STARD13: variants seen among roughly 807,000 people sequenced by gnomAD.
STARD13 encodes StAR related lipid transfer domain containing 13.
Under a neutral mutation model 106.4 loss-of-function variants are expected in STARD13, and 62 were observed. That is an observed-to-expected ratio of 0.58 (90% CI 0.48 to 0.72). The LOEUF (loss-of-function observed/expected upper bound fraction) is 0.72, where lower values mean the gene tolerates loss of function less well. STARD13 is among the 30% of genes least tolerant of loss of function. The pLI, the probability that STARD13 is intolerant of heterozygous loss-of-function variation, is 0.00. For synonymous variants in STARD13, 565 were observed against 553.0 expected, an observed-to-expected ratio of 1.02 and a Z score of -0.31; for missense variants, 1,387 against 1,424.0, an observed-to-expected ratio of 0.97 and a Z score of 0.42.
the STARD13 span, among the ~76,000 whole-genome samples, chr13:33,622,511 C>T: frequency 1.4e-5 from 2 of 147,572 alleles, no homozygotes; most frequent in African/African-American, 5.0e-5. Flanking sequence ...TACTAGCAGG[C>T]GCCTGTAGTC....
chr13:33,454,526 G>A, the STARD13 span, among the ~76,000 whole-genome samples: 171 of 152,238 alleles, frequency 1.1e-3, no homozygotes, highest in African/African-American at 3.9e-3. Flanking sequence ...GAAAAATTGA[G>A]GCAAAAAAAG....
At chr13:33,240,156 T>A (rs147929250) in intron 1 of STARD13, among the ~76,000 whole-genome samples, 28 of 152,330 alleles carry the variant, frequency 1.8e-4, no homozygotes, top group African/African-American at 6.7e-4. Context: ...TTTCTCATTA[T>A]GTAGTCTTGA....
At chr13:33,304,937 T>C (rs1168076599) in intron 1 of STARD13, among the ~76,000 whole-genome samples, 1 of 152,236 alleles carries the variant, frequency 6.6e-6, no homozygotes, top group East Asian at 1.9e-4. Flanking sequence ...ATAATGTTAG[T>C]ACCTGCTTCA....
chr13:33,249,825 T>C (rs1890005863), intron 1 of STARD13, among the ~76,000 whole-genome samples: 1 of 152,190 alleles, frequency 6.6e-6, no homozygotes, highest in South Asian at 2.1e-4. Flanking sequence ...GGTCTTACTG[T>C]GTCACCCAGG....
At chr13:33,518,289 A>T in the STARD13 span, among the ~76,000 whole-genome samples, 1 of 152,152 alleles carries the variant, frequency 6.6e-6, no homozygotes, top group Non-Finnish European at 1.5e-5. Context: ...ATACTTCAAG[A>T]GTGTTAAAGT....
the STARD13 span, among the ~76,000 whole-genome samples, chr13:33,454,674 A>G: frequency 2.0e-5 from 3 of 152,180 alleles, no homozygotes; most frequent in Non-Finnish European, 4.4e-5. Flanking sequence ...TTGGCTCTAG[A>G]GCTTATCCTA....
chr13:33,671,680 T>C, the STARD13 span, among the ~76,000 whole-genome samples: 3 of 152,160 alleles, frequency 2.0e-5, no homozygotes, highest in Non-Finnish European at 4.4e-5. Flanking sequence ...TAGTGGGCTA[T>C]GACTGGGCCA....
chr13:33,627,505 C>T, the STARD13 span, among the ~76,000 whole-genome samples: 5 of 151,924 alleles, frequency 3.3e-5, no homozygotes, highest in Non-Finnish European at 7.4e-5. Context: ...AGTGCGGTGG[C>T]GGGCACCTGT....
At chr13:33,253,113 C>T (rs1214403958) in intron 1 of STARD13, among the ~76,000 whole-genome samples, 1 of 152,182 alleles carries the variant, frequency 6.6e-6, no homozygotes, top group East Asian at 1.9e-4. Context: ...TAACTTTATG[C>T]CTCCAGAACA....
Position 33,129,704 on chromosome 13 carries a change from A to T in STARD13, c.973T>A (p.Cys325Ser). Residue 325 changes from cysteine (C) to serine (S), a missense_variant, in exon 5 of 14, where the codon TGC becomes AGC. By Grantham distance (112) the Cys-to-Ser change is moderately radical. Transcript: ENST00000336934. Reference protein sequence around the residue: ...PPPACRKGLPCSGKSSGESSP... With the variant: ...PPPACRKGLPSSGKSSGESSP... ...CTCTCGCCACTCGACTTGCCAGAGC[A>T]TGGGAGCCCTTTTCTGCAGGCAGGT... The T allele has an allele frequency of 1.2e-6, 2 of 1,614,114 alleles. No homozygotes were observed. Among genetic ancestry groups the T allele is most frequent in the Non-Finnish European group, 1.7e-6 (2 of 1,180,030 alleles).
At position 33,130,073 on chromosome 13, in the gene STARD13, T is replaced by C; in HGVS notation, c.604A>G (p.Ser202Gly). The stretch of plus-strand genomic sequence containing the variant: ...CTGCGACTGTCGCTGCCTCCACTGC[T>C]TTCGCTGTGAATGGAGCAGACCTCA... ...EPEVCSIHSESSGGSDSRSQP... is the reference protein window; with the variant it reads ...EPEVCSIHSEGSGGSDSRSQP... The change falls in exon 5 of 14, where the codon AGC becomes GGC. Residue 202 changes from serine (S) to glycine (G), a missense_variant. Coordinates refer to ENST00000336934, the MANE Select transcript of STARD13 (RefSeq NM_178006.4). The surrounding 1 kb of genome is among the most constrained non-coding windows in gnomAD (Gnocchi z 4.1). 2 of 1,614,024 alleles carry C rather than the reference T, an allele frequency of 1.2e-6. No homozygotes were observed. Among genetic ancestry groups the C allele is most frequent in the Non-Finnish European group, 8.5e-7 (1 of 1,179,990 alleles).
chr13:33,352,526 A>C (rs185950966), upstream of STARD13, among the ~76,000 whole-genome samples: 19 of 152,318 alleles, frequency 1.2e-4, no homozygotes, highest in Non-Finnish European at 1.8e-4. Flanking sequence ...GATGCCATTG[A>C]TTAGGAGTTT....
rs549387898 is a variant in STARD13 at position 33,332,588 on chromosome 13, G to A, written c.124+17702C>T. Among the ~76,000 whole-genome samples, 11 of 152,134 alleles carry A rather than the reference G, an allele frequency of 7.2e-5. No homozygotes were observed. In the East Asian group the frequency reaches 1.9e-3, roughly 27 times the overall value. On this transcript the variant is annotated intron_variant, in intron 1 of 5. Transcript: ENST00000567873. ...CCAACCATGCTGGCACCCTGATCTC[G>A]GACTTCCAGCCTCCAGAACTCTGAG...
chr13:33,346,657 TC>T (rs1366815633), downstream of STARD13, among the ~76,000 whole-genome samples: 4 of 152,078 alleles, frequency 2.6e-5, no homozygotes, highest in South Asian at 6.2e-4. Flanking sequence ...TGAGATGGAG[TC>T]TTGCTCTGTC....
chr13:33,293,462 G>C (rs1427954980), intron 1 of STARD13, among the ~76,000 whole-genome samples: 1 of 152,146 alleles, frequency 6.6e-6, no homozygotes, highest in Non-Finnish European at 1.5e-5. Context: ...TATTCTTGTT[G>C]CTGATGATAC....
the STARD13 span, among the ~76,000 whole-genome samples, chr13:33,373,570 CAG>C: frequency 6.6e-6 from 1 of 151,964 alleles, no homozygotes; most frequent in African/African-American, 2.4e-5. Context: ...GGTTAATATT[CAG>C]CACATATAAA....
chr13:33,263,089 C>T (rs531218931), intron 1 of STARD13, among the ~76,000 whole-genome samples: 58 of 152,248 alleles, frequency 3.8e-4, no homozygotes, highest in Middle Eastern at 6.8e-3. Context: ...CCAGTTTCCT[C>T]ATTTTATTAG....
Position 33,105,527 on chromosome 13 carries a change from C to G in STARD13, c.*66G>C. ...TCTTTCTCTCGCTTTCTCACATGCACACTCTCTGCCACACTCGTCACTTTA... is the reference window on the plus strand; with the variant it reads ...TCTTTCTCTCGCTTTCTCACATGCAGACTCTCTGCCACACTCGTCACTTTA... On this transcript the variant is annotated 3_prime_UTR_variant, in exon 14 of 14. Transcript: ENST00000336934. 8.9e-7 allele frequency: 1 copy of G among 1,128,770 alleles called. No homozygotes were observed. Among genetic ancestry groups the G allele is most frequent in the Non-Finnish European group, 1.4e-6 (1 of 738,960 alleles). 69.9% of individuals were successfully genotyped at this position (1,128,770 alleles called of 1,614,324 possible). A position where few individuals can be genotyped will look rare whatever the true frequency, so the allele number is the denominator to read the frequency against.
the STARD13 span, among the ~76,000 whole-genome samples, chr13:33,361,697 T>G: frequency 2.0e-5 from 3 of 152,012 alleles, no homozygotes; most frequent in African/African-American, 7.2e-5. Context: ...CTTACCATGG[T>G]GGAGAGGAGA....
Sources: gnomAD v4.1 joint callset for allele counts (sites outside exome capture counted in the v4.1 genomes callset) on GRCh38, gnomAD v4.1.1 for gene constraint, Gnocchi (gnomAD v3.1) non-coding constraint, MANE v1.5 for transcripts, NCBI Gene and HGNC (gene_info 2026-07-23, HGNC 2026-07-21) for gene names.